The following ZNF385D variants were observed in gnomAD, a reference collection of about 807,000 sequenced individuals.
ZNF385D encodes zinc finger protein 659.
In ZNF385D, 15 loss-of-function variants were observed where a neutral mutation model predicts 35.8. The ratio of observed to expected loss-of-function variants is 0.42; its 90% CI spans 0.28 to 0.64. The LOEUF (loss-of-function observed/expected upper bound fraction) is 0.64, where lower values mean the gene tolerates loss of function less well. ZNF385D is among the 30% of genes least tolerant of loss of function. ZNF385D has a pLI of 0.23. For missense variants in ZNF385D, 474 were observed against 494.6 expected, an observed-to-expected ratio of 0.96 and a Z score of 0.39; for synonymous variants, 212 against 186.8, an observed-to-expected ratio of 1.13 and a Z score of -1.10.
At chr3:21,788,278 A>G (rs1050678978) in intron 3 of ZNF385D, among the ~76,000 whole-genome samples, 3 of 152,236 alleles carry the variant, frequency 2.0e-5, no homozygotes, top group African/African-American at 7.2e-5. Context: ...CAGGAGTTGG[A>G]GACCAGCCTG....
chr3:21,803,682 C>T (rs1478438797), intron 3 of ZNF385D, among the ~76,000 whole-genome samples: 1 of 152,130 alleles, frequency 6.6e-6, no homozygotes, highest in Non-Finnish European at 1.5e-5. Context: ...CTCAAGACAG[C>T]ACATCAAGGA....
chr3:21,887,464 G>C (rs563809841), intron 3 of ZNF385D, among the ~76,000 whole-genome samples: 1 of 152,268 alleles, frequency 6.6e-6, no homozygotes, highest in South Asian at 2.1e-4. Context: ...AAGTCTAGCA[G>C]ATGGTAAATT....
chr3:22,366,045 A>G (rs1157873538), intron 2 of ZNF385D, among the ~76,000 whole-genome samples: 4 of 151,982 alleles, frequency 2.6e-5, no homozygotes, highest in Admixed American at 2.0e-4. Flanking sequence ...TTTTTTTTTA[A>G]TATTTTTTAA....
intron 3 of ZNF385D, among the ~76,000 whole-genome samples, chr3:21,846,835 T>A (rs768567249): frequency 6.6e-6 from 1 of 151,994 alleles, no homozygotes; most frequent in Non-Finnish European, 1.5e-5. Context: ...AGCCCAAAGC[T>A]GCAGACACTT....
At chr3:22,197,761 G>A (rs761161121) in intron 2 of ZNF385D, among the ~76,000 whole-genome samples, 1 of 152,104 alleles carries the variant, frequency 6.6e-6, no homozygotes, top group Non-Finnish European at 1.5e-5. Flanking sequence ...TCATGACCCT[G>A]CATGGTTTAG....
At position 21,806,498 on chromosome 3, in the gene ZNF385D, C is replaced by T. The variant is rs1036966648; in HGVS notation, c.326-141470G>A. ...GGGATTACAGGCGTGAGCCACCGCG[C>T]CTGGCCAATAGAGCTCGTTTTATAG... On this transcript the variant is annotated intron_variant, in intron 3 of 5. Transcript: ENST00000494108. 1.8e-4 allele frequency among the ~76,000 whole-genome samples: 28 copies of T among 152,142 alleles called. 2 individuals are homozygous for T. The South Asian group carries it at 5.6e-3, about 30-fold the overall frequency.
chr3:21,950,495 G>A (rs1030831305), intron 3 of ZNF385D, among the ~76,000 whole-genome samples: 1 of 151,704 alleles, frequency 6.6e-6, no homozygotes, highest in African/African-American at 2.4e-5. Flanking sequence ...CTCCCATTCT[G>A]TAGGTTGCCT....
At chr3:21,516,174 C>A (rs973285118) in intron 3 of ZNF385D, among the ~76,000 whole-genome samples, 4 of 152,186 alleles carry the variant, frequency 2.6e-5, no homozygotes, top group African/African-American at 4.8e-5. Flanking sequence ...ACCTCAGAGT[C>A]TTTGGAGAGA....
chr3:21,757,636 A>G (rs1477218217), intron 3 of ZNF385D, among the ~76,000 whole-genome samples: 1 of 152,204 alleles, frequency 6.6e-6, no homozygotes, highest in East Asian at 1.9e-4. Flanking sequence ...CGCTAAAGGT[A>G]TATTAATGAA....
intron 3 of ZNF385D, among the ~76,000 whole-genome samples, chr3:21,915,990 G>A (rs1023648984): frequency 9.9e-5 from 15 of 152,142 alleles, no homozygotes; most frequent in African/African-American, 3.6e-4. Context: ...TGTAAAAGCA[G>A]AAAAGGTGAC....
chr3:21,714,073 A>G (rs1341312641), intron 1 of ZNF385D, among the ~76,000 whole-genome samples: 2 of 152,182 alleles, frequency 1.3e-5, no homozygotes, highest in African/African-American at 4.8e-5. Flanking sequence ...CCTTGGCTAA[A>G]TGAAATTCTG....
At position 22,279,049 on chromosome 3, in the gene ZNF385D, C is replaced by T. The variant is rs188986177; in HGVS notation, c.106+93401G>A. Among the ~76,000 whole-genome samples, 17 of 152,188 alleles carry T rather than the reference C, an allele frequency of 1.1e-4. No individual in the cohort carries two copies. In the East Asian group the frequency reaches 3.3e-3, roughly 29 times the overall value. Reference sequence around the variant, plus strand: ...CTTCCTACACAGAAATGTTACACATCCTGTCATAGCAAAGAGTAGAAATAC... The same window carrying T: ...CTTCCTACACAGAAATGTTACACATTCTGTCATAGCAAAGAGTAGAAATAC... On this transcript the variant is annotated intron_variant, in intron 2 of 5. Transcript: ENST00000494108.
chr3:22,061,607 G>C (rs1227450811), intron 3 of ZNF385D, among the ~76,000 whole-genome samples: 1 of 152,112 alleles, frequency 6.6e-6, no homozygotes, highest in Non-Finnish European at 1.5e-5. Context: ...TACATGTCCA[G>C]CCCCATTTCT....
chr3:22,080,010 TA>T, intron 3 of ZNF385D, among the ~76,000 whole-genome samples: 1 of 152,194 alleles, frequency 6.6e-6, no homozygotes, highest in East Asian at 1.9e-4. Context: ...AGAGAAAGAA[TA>T]TCAAAGTTGT....
chr3:22,164,245 T>G (rs1165612832), intron 3 of ZNF385D, among the ~76,000 whole-genome samples: 7 of 88,280 alleles, frequency 7.9e-5, no homozygotes, highest in African/African-American at 4.6e-4. Context: ...TTTTTTTTTT[T>G]TTGAGACGGG....
chr3:21,733,282 T>C (rs776063024), intron 1 of ZNF385D, among the ~76,000 whole-genome samples: 1 of 152,218 alleles, frequency 6.6e-6, no homozygotes, highest in Non-Finnish European at 1.5e-5. Context: ...ATCTTGATTA[T>C]TGTAGCTTTA....
chr3:21,728,980 A>G (rs1238643635), intron 1 of ZNF385D, among the ~76,000 whole-genome samples: 1 of 152,216 alleles, frequency 6.6e-6, no homozygotes, highest in Non-Finnish European at 1.5e-5. Context: ...TGTTTGGAGC[A>G]TGGCAGAATT....
chr3:22,071,866 T>C (rs925142730), intron 3 of ZNF385D, among the ~76,000 whole-genome samples: 9 of 152,096 alleles, frequency 5.9e-5, no homozygotes, highest in Non-Finnish European at 7.4e-5. Context: ...GGCTGGGGCA[T>C]TTGATGATGG....
intron 3 of ZNF385D, among the ~76,000 whole-genome samples, chr3:22,086,759 A>G (rs1002237459): frequency 6.6e-6 from 1 of 152,198 alleles, no homozygotes; most frequent in Non-Finnish European, 1.5e-5. Flanking sequence ...AGCCATAAAA[A>G]TGGATGAGTT....
Sources: gnomAD v4.1 joint callset for allele counts (sites outside exome capture counted in the v4.1 genomes callset) on GRCh38, gnomAD v4.1.1 for gene constraint, MANE v1.5 for transcripts, NCBI Gene and HGNC (gene_info 2026-07-23, HGNC 2026-07-21) for gene names.